ELAPOR2: variants seen among roughly 807,000 people sequenced by gnomAD.
The protein encoded by ELAPOR2 is endosome/lysosome-associated apoptosis and autophagy regulator family member 2.
ELAPOR2 carries 89 observed loss-of-function variants against 120.7 expected under a neutral mutation model. The observed-to-expected ratio is 0.74, with a 90% CI of 0.62 to 0.88. The LOEUF is 0.88. Among genes scored for constraint, ELAPOR2 ranks in the 40% least tolerant of loss-of-function variants. ELAPOR2 has a pLI of 0.00. For synonymous variants in ELAPOR2, 444 were observed against 444.9 expected (o/e 1.00, Z 0.03); for missense variants, 1,134 against 1,251.6 (o/e 0.91, Z 1.42).
intron 21 of ELAPOR2, among the ~76,000 whole-genome samples, chr7:86,883,428 C>T (rs1799517390): frequency 6.6e-6 from 1 of 152,082 alleles, no homozygotes; most frequent in Admixed American, 6.6e-5. Context: ...AAAATAGACA[C>T]ACAATAAGAT....
At chr7:87,041,197 T>C (rs1446227653) in intron 1 of ELAPOR2, among the ~76,000 whole-genome samples, 1 of 151,996 alleles carries the variant, frequency 6.6e-6, no homozygotes, top group Non-Finnish European at 1.5e-5. Context: ...TTGCAGGATG[T>C]TATCCAGGAG....
chr7:86,959,689 ATTC>A (rs1370704114), intron 2 of ELAPOR2, among the ~76,000 whole-genome samples: 4 of 152,190 alleles, frequency 2.6e-5, no homozygotes, highest in Non-Finnish European at 5.9e-5. Context: ...GTCATGACAT[ATTC>A]TTCTTTTAAT....
chr7:86,913,293 C>T, intron 13 of ELAPOR2, 89 bp from the exon 14 acceptor site: 7 of 1,265,138 alleles, frequency 5.5e-6, no homozygotes, highest in Non-Finnish European at 7.8e-6. Flanking sequence ...ATCAAAATAA[C>T]TAAATAGAGT....
intron 19 of ELAPOR2, among the ~76,000 whole-genome samples, chr7:86,894,277 T>G (rs1373448514): frequency 1.3e-5 from 2 of 152,072 alleles, no homozygotes; most frequent in Non-Finnish European, 2.9e-5. Context: ...ATCAATTTCT[T>G]TTTAAGTGGG....
chr7:87,033,456 G>A (rs1457216038), intron 1 of ELAPOR2, among the ~76,000 whole-genome samples: 4 of 152,124 alleles, frequency 2.6e-5, no homozygotes, highest in African/African-American at 9.7e-5. Context: ...CAATTAAAAG[G>A]TAAAGTGGTT....
intron 2 of ELAPOR2, among the ~76,000 whole-genome samples, chr7:86,954,251 C>T (rs572775840): frequency 1.3e-5 from 2 of 152,238 alleles, no homozygotes; most frequent in Admixed American, 1.3e-4. Context: ...CTACCCAGCA[C>T]AATATGCCAA....
chr7:87,002,700 A>T (rs529069414), intron 1 of ELAPOR2, among the ~76,000 whole-genome samples: 1 of 152,036 alleles, frequency 6.6e-6, no homozygotes, highest in Non-Finnish European at 1.5e-5. Context: ...CTCCCACTCA[A>T]CTACCTACTG....
At chr7:86,931,932 A>G (rs1293043317) in intron 8 of ELAPOR2, among the ~76,000 whole-genome samples, 1 of 151,940 alleles carries the variant, frequency 6.6e-6, no homozygotes, top group Non-Finnish European at 1.5e-5. Context: ...AACTGTAACC[A>G]TCTTTTTCTC....
chr7:87,045,779 A>T, intron 1 of ELAPOR2, among the ~76,000 whole-genome samples: 1 of 151,338 alleles, frequency 6.6e-6, no homozygotes, highest in East Asian at 1.9e-4. Context: ...TAAATAAAAA[A>T]TATATATAAA....
intron 5 of ELAPOR2, chr7:86,941,424 A>G (rs370600282): frequency 1.2e-5 from 6 of 516,346 alleles, no homozygotes; most frequent in African/African-American, 7.8e-5. Context: ...TCATGTAACC[A>G]GAGAAGGTAG....
chr7:87,007,696 C>T (rs532503512), intron 1 of ELAPOR2, among the ~76,000 whole-genome samples: 29 of 152,196 alleles, frequency 1.9e-4, no homozygotes, highest in African/African-American at 6.7e-4. Flanking sequence ...TATGATAAGC[C>T]TAGAACGGCT....
chr7:87,039,630 G>A (rs777902808), intron 1 of ELAPOR2, among the ~76,000 whole-genome samples: 2 of 152,050 alleles, frequency 1.3e-5, no homozygotes, highest in Non-Finnish European at 2.9e-5. Context: ...GTGATACATT[G>A]GATCAACAGA....
chr7:86,991,293 T>C (rs961049964), intron 1 of ELAPOR2, among the ~76,000 whole-genome samples: 5 of 152,174 alleles, frequency 3.3e-5, no homozygotes, highest in African/African-American at 9.7e-5. Flanking sequence ...GGAACAAGCA[T>C]ATCCATGTTA....
In ELAPOR2 at chr7:87,050,055, T is replaced by C. The variant is rs115125014; in HGVS notation, c.189+9270A>G. Among the ~76,000 whole-genome samples, 601 of 152,332 alleles carry C rather than the reference T, an allele frequency of 3.9e-3. 1 individual carries two copies. The highest frequency in any genetic ancestry group is 0.014 in the African/African-American group (576 of 41,570). On this transcript the variant is annotated intron_variant, in intron 1 of 21. Coordinates refer to ENST00000450689, the MANE Select transcript of ELAPOR2 (RefSeq NM_001142749.3). ...ACGACATAGCAAGGAGGCCCTCACCTGGATCTTGGACTTTCCTACCTCCTA... is the reference window on the plus strand; with the variant it reads ...ACGACATAGCAAGGAGGCCCTCACCCGGATCTTGGACTTTCCTACCTCCTA...
At chr7:86,982,268 G>C (rs1792527654) in intron 1 of ELAPOR2, among the ~76,000 whole-genome samples, 1 of 152,274 alleles carries the variant, frequency 6.6e-6, no homozygotes, top group South Asian at 2.1e-4. Context: ...AACTTCTGCA[G>C]ACTTAAATGG....
chr7:86,982,381 T>C (rs369751250), intron 1 of ELAPOR2, among the ~76,000 whole-genome samples: 2 of 152,342 alleles, frequency 1.3e-5, no homozygotes, highest in East Asian at 3.9e-4. Context: ...GACCTCCGTG[T>C]AGCCTTACTG....
At chr7:86,923,140 A>G (rs555944546) in intron 10 of ELAPOR2, among the ~76,000 whole-genome samples, 2 of 151,982 alleles carry the variant, frequency 1.3e-5, no homozygotes, top group East Asian at 1.9e-4. Context: ...TCATCATTCT[A>G]TGAAAAATAT....
chr7:86,997,427 C>T (rs1635001), intron 1 of ELAPOR2, among the ~76,000 whole-genome samples: 14 of 151,894 alleles, frequency 9.2e-5, no homozygotes, highest in Non-Finnish European at 1.6e-4. Context: ...ACCTCTCATA[C>T]GGAATTACCA....
chr7:86,897,776 AG>A, intron 18 of ELAPOR2, 144 bp from the exon 19 acceptor site: 1 of 828,982 alleles, frequency 1.2e-6, no homozygotes. Flanking sequence ...AAAGTCTAAA[AG>A]ACACAAACCA....
Sources: gnomAD v4.1 joint callset for allele counts (sites outside exome capture counted in the v4.1 genomes callset) on GRCh38, gnomAD v4.1.1 for gene constraint, MANE v1.5 for transcripts, NCBI Gene and HGNC (gene_info 2026-07-23, HGNC 2026-07-21) for gene names.